The following DRC11 variants were observed in gnomAD, a reference collection of about 807,000 sequenced individuals.
DRC11 encodes IQ and AAA domain-containing protein 1.
At chr2:236,342,553 A>G in the DRC11 span, among the ~76,000 whole-genome samples, 5 of 152,200 alleles carry the variant, frequency 3.3e-5, no homozygotes, top group African/African-American at 1.2e-4. This position sits in a 1 kb window ranked among gnomAD's most constrained non-coding sequence, Gnocchi z 5.8. Context: ...GCAGGAAGGC[A>G]GCAGGAACTC....
At chr2:236,389,337 G>C in the DRC11 span, among the ~76,000 whole-genome samples, 1 of 152,216 alleles carries the variant, frequency 6.6e-6, no homozygotes, top group Non-Finnish European at 1.5e-5. Context: ...AGGACCCTCG[G>C]AGCCAGGTGC....
At chr2:236,346,174 C>A in the DRC11 span, among the ~76,000 whole-genome samples, 1 of 152,028 alleles carries the variant, frequency 6.6e-6, no homozygotes, top group African/African-American at 2.4e-5. Flanking sequence ...AAATTTTAAT[C>A]GTGATCCCTG....
chr2:236,389,442 C>T, the DRC11 span, among the ~76,000 whole-genome samples: 1 of 152,212 alleles, frequency 6.6e-6, no homozygotes, highest in Non-Finnish European at 1.5e-5. Context: ...CCGTCCGTCA[C>T]CCCTTTCTTT....
At chr2:236,392,474 A>T in the DRC11 span, 8 of 551,018 alleles carry the variant, frequency 1.5e-5, no homozygotes, top group African/African-American at 1.5e-4. The surrounding 1 kb of genome is among the most constrained non-coding windows in gnomAD (Gnocchi z 5.1). Context: ...GCCTAACTTT[A>T]TATGTTATTG....
chr2:236,334,617 T>G, the DRC11 span, among the ~76,000 whole-genome samples: 1 of 152,182 alleles, frequency 6.6e-6, no homozygotes, highest in Non-Finnish European at 1.5e-5. This position sits in a 1 kb window ranked among gnomAD's most constrained non-coding sequence, Gnocchi z 7.8. Context: ...ATTTGGCCTT[T>G]GGCTCCCCTT....
At chr2:236,369,545 A>G in the DRC11 span, among the ~76,000 whole-genome samples, 2 of 152,236 alleles carry the variant, frequency 1.3e-5, no homozygotes, top group African/African-American at 4.8e-5. This position sits in a 1 kb window ranked among gnomAD's most constrained non-coding sequence, Gnocchi z 4.5. Context: ...CATGACATTC[A>G]AGGTGACAGG....
the DRC11 span, among the ~76,000 whole-genome samples, chr2:236,392,624 C>T: frequency 1.3e-5 from 2 of 152,228 alleles, no homozygotes; most frequent in Non-Finnish European, 2.9e-5. The surrounding 1 kb of genome is among the most constrained non-coding windows in gnomAD (Gnocchi z 5.1). Context: ...AAGTGTGATA[C>T]AATAGTATTC....
chr2:236,410,385 G>C, the DRC11 span, among the ~76,000 whole-genome samples: 1 of 152,090 alleles, frequency 6.6e-6, no homozygotes, highest in Non-Finnish European at 1.5e-5. Flanking sequence ...ACTGCTCAAG[G>C]AAATAAAAGA....
the DRC11 span, among the ~76,000 whole-genome samples, chr2:236,491,059 T>TATATATACACACAC: frequency 1.4e-5 from 2 of 138,222 alleles, no homozygotes; most frequent in African/African-American, 5.6e-5. Flanking sequence ...TATATATATA[T>TATATATACACACAC]ACACACAGTA....
chr2:236,450,314 C>CT, the DRC11 span, among the ~76,000 whole-genome samples: 1,873 of 82,344 alleles, frequency 0.023, 21 homozygotes, highest in Non-Finnish European at 0.029. Context: ...CTTTTCTTTT[C>CT]TTTTTTTTTT....
At chr2:236,370,581 G>A in the DRC11 span, among the ~76,000 whole-genome samples, 1 of 152,144 alleles carries the variant, frequency 6.6e-6, no homozygotes, top group Admixed American at 6.5e-5. This position sits in a 1 kb window ranked among gnomAD's most constrained non-coding sequence, Gnocchi z 5.5. Flanking sequence ...TGGGAACTGG[G>A]GGCCTTGAGG....
At chr2:236,373,258 C>CTT in the DRC11 span, among the ~76,000 whole-genome samples, 16 of 139,030 alleles carry the variant, frequency 1.2e-4, no homozygotes, top group Non-Finnish European at 1.6e-4. Flanking sequence ...TGTATATTAA[C>CTT]TTTTTTTTTT....
At chr2:236,406,313 C>A in the DRC11 span, among the ~76,000 whole-genome samples, 2 of 152,098 alleles carry the variant, frequency 1.3e-5, no homozygotes, top group African/African-American at 4.8e-5. The surrounding 1 kb of genome is among the most constrained non-coding windows in gnomAD (Gnocchi z 4.7). Flanking sequence ...GCTTAAAGAG[C>A]GATTCAAATG....
the DRC11 span, among the ~76,000 whole-genome samples, chr2:236,378,674 CA>C: frequency 0.024 from 1,443 of 59,186 alleles, 14 homozygotes; most frequent in African/African-American, 0.066. Context: ...GACTCCGTCT[CA>C]AAAAAAAAAA....
the DRC11 span, among the ~76,000 whole-genome samples, chr2:236,464,842 C>T: frequency 5.3e-5 from 8 of 152,070 alleles, no homozygotes; most frequent in African/African-American, 9.7e-5. Context: ...CCGCCAACCC[C>T]GCACTCTCTC....
the DRC11 span, chr2:236,391,888 T>A: frequency 8.8e-7 from 1 of 1,133,278 alleles, no homozygotes; most frequent in African/African-American, 1.5e-5. The surrounding 1 kb of genome is among the most constrained non-coding windows in gnomAD (Gnocchi z 4.5). Context: ...CAGGCGGCCC[T>A]CCTGGACATG....
At chr2:236,443,184 T>C in the DRC11 span, among the ~76,000 whole-genome samples, 1 of 152,062 alleles carries the variant, frequency 6.6e-6, no homozygotes, top group Non-Finnish European at 1.5e-5. This position sits in a 1 kb window ranked among gnomAD's most constrained non-coding sequence, Gnocchi z 4.4. Flanking sequence ...GAAGGAAAAA[T>C]AATAATTTTA....
the DRC11 span, among the ~76,000 whole-genome samples, chr2:236,474,009 A>G: frequency 6.6e-6 from 1 of 152,218 alleles, no homozygotes; most frequent in Admixed American, 6.5e-5. Flanking sequence ...TTTTAAAATG[A>G]GTAGGTAATA....
At chr2:236,322,616 C>A in the DRC11 span, among the ~76,000 whole-genome samples, 1 of 152,104 alleles carries the variant, frequency 6.6e-6, no homozygotes. Context: ...GGGCAGGAAG[C>A]CATCCTTTGG....
Sources: allele counts gnomAD v4.1 joint callset (sites outside exome capture counted in the v4.1 genomes callset), GRCh38; gene constraint gnomAD v4.1.1; non-coding constraint Gnocchi (gnomAD v3.1); transcripts MANE v1.5; gene names NCBI Gene and HGNC (gene_info 2026-07-23, HGNC 2026-07-21).